Variants in N4BP2L1 observed in about 807,000 individuals in gnomAD.
The protein encoded by N4BP2L1 is NEDD4-binding protein 2-like 1.
In N4BP2L1, 12 loss-of-function variants were observed where a neutral mutation model predicts 21.2. That is an observed-to-expected ratio of 0.57 (90% CI 0.36 to 0.92). N4BP2L1 has a LOEUF of 0.92. N4BP2L1 is among the 40% of genes least tolerant of loss of function. The pLI is 0.01. For missense variants in N4BP2L1, 259 were observed against 310.6 expected (o/e 0.83, Z 1.25); for synonymous variants, 104 against 112.8 (o/e 0.92, Z 0.49).
chr13:32,428,647 C>T (rs2074921468), upstream of N4BP2L1, among the ~76,000 whole-genome samples: 1 of 152,220 alleles, frequency 6.6e-6, no homozygotes, highest in African/African-American at 2.4e-5. Flanking sequence ...CTTTCTTTAG[C>T]AGCCTGCCAA....
intron 1 of N4BP2L1, chr13:32,415,933 C>T (rs1377685295): frequency 6.6e-6 from 1 of 152,168 alleles, no homozygotes; most frequent in African/African-American, 2.4e-5. Context: ...ATACGGTTTC[C>T]TTAGAGGTTA....
intron 1 of N4BP2L1, among the ~76,000 whole-genome samples, chr13:32,424,308 T>C (rs75960964): frequency 9.2e-5 from 14 of 152,296 alleles, no homozygotes; most frequent in Non-Finnish European, 1.9e-4. Flanking sequence ...TTCAGCCACC[T>C]CCTTCCCATC....
intron 1 of N4BP2L1, among the ~76,000 whole-genome samples, chr13:32,418,520 C>A (rs2074273915): frequency 6.6e-6 from 1 of 152,226 alleles, no homozygotes; most frequent in East Asian, 1.9e-4. Context: ...AGCCCCCACA[C>A]AGAGGCTCCA....
At chr13:32,426,925 G>T (rs1475594807) in intron 1 of N4BP2L1, among the ~76,000 whole-genome samples, 2 of 152,208 alleles carry the variant, frequency 1.3e-5, no homozygotes, top group South Asian at 4.1e-4. Context: ...ATAGCTGCCC[G>T]GTCTTAAAAG....
intron 1 of N4BP2L1, among the ~76,000 whole-genome samples, chr13:32,427,615 G>GT (rs2074859282): frequency 6.6e-6 from 1 of 152,096 alleles, no homozygotes; most frequent in African/African-American, 2.4e-5. Flanking sequence ...ACGGGAATCC[G>GT]TCCCCCCCGG....
At chr13:32,411,472 A>G (rs2073855171) in intron 1 of N4BP2L1, 6 of 967,202 alleles carry the variant, frequency 6.2e-6, no homozygotes, top group African/African-American at 1.8e-5. Flanking sequence ...CTAAATAAAG[A>G]ACTGATTAAA....
chr13:32,428,120 T>G lies in N4BP2L1; in HGVS notation c.-38A>C. On this transcript the variant is annotated 5_prime_UTR_variant, in exon 1 of 5. Coordinates refer to ENST00000380130, the MANE Select transcript of N4BP2L1 (RefSeq NM_052818.3). ...TGGCTGCGAGAGCCCCGGGTTCCCT[T>G]TACTGAAGTCACGGTCTTGGCCAAA... The G allele has an allele frequency of 7.0e-7, 1 of 1,423,764 alleles. No homozygotes were observed. Among genetic ancestry groups the G allele is most frequent in the East Asian group, 2.8e-5 (1 of 36,358 alleles). The allele number at this position is 1,423,764 out of a possible 1,614,324, so 88.2% of individuals were successfully genotyped here. A position where few individuals can be genotyped will look rare whatever the true frequency, so the allele number is the denominator to read the frequency against.
chr13:32,412,724 G>T (rs2073929603), intron 1 of N4BP2L1, among the ~76,000 whole-genome samples: 1 of 150,344 alleles, frequency 6.7e-6, no homozygotes, highest in Admixed American at 6.6e-5. Context: ...TTAAGAATAA[G>T]AACAATTCCC....
rs974114641 is a variant in N4BP2L1, at chr13:32,422,950, T to C, written c.179+4954A>G. On this transcript the variant is annotated intron_variant, in intron 1 of 4. Coordinates refer to ENST00000380130, the MANE Select transcript of N4BP2L1 (RefSeq NM_052818.3). ...GAGTTGGAATGCTGCAAACATTCTA[T>C]TGTGAGCTTGCTTTTATTAATGAGA... Among the ~76,000 whole-genome samples, 8 of 152,106 alleles carry C rather than the reference T, an allele frequency of 5.3e-5. No individual in the cohort carries two copies. In the South Asian group the frequency reaches 8.3e-4, roughly 16 times the overall value.
intron 1 of N4BP2L1, among the ~76,000 whole-genome samples, chr13:32,408,459 A>G (rs1488717986): frequency 6.6e-6 from 1 of 152,224 alleles, no homozygotes; most frequent in Non-Finnish European, 1.5e-5. Flanking sequence ...CACAGCAAAA[A>G]GAAACACCAC....
At chr13:32,411,460 A>T (rs1359120918) in intron 1 of N4BP2L1, 1 of 930,004 alleles carries the variant, frequency 1.1e-6, no homozygotes. Flanking sequence ...AAACTCTACT[A>T]GCTAAATAAA....
At chr13:32,419,236 T>C (rs1411027161) in intron 1 of N4BP2L1, among the ~76,000 whole-genome samples, 2 of 139,742 alleles carry the variant, frequency 1.4e-5, no homozygotes, top group Admixed American at 1.5e-4. Flanking sequence ...TCACAAGATC[T>C]GGCTTTTTTT....
chr13:32,421,256 TAATA>T (rs2074461461), intron 1 of N4BP2L1, among the ~76,000 whole-genome samples: 1 of 152,146 alleles, frequency 6.6e-6, no homozygotes. Flanking sequence ...AAGAAATAGA[TAATA>T]AATAAATATA....
intron 1 of N4BP2L1, chr13:32,411,447 TA>T: frequency 1.1e-6 from 1 of 885,012 alleles, no homozygotes; most frequent in Non-Finnish European, 1.4e-6. Context: ...GGCAGGACAA[TA>T]AAAACTCTAC....
At chr13:32,426,131 C>T (rs2074748842) in intron 1 of N4BP2L1, among the ~76,000 whole-genome samples, 1 of 152,148 alleles carries the variant, frequency 6.6e-6, no homozygotes. Context: ...AATCCAAGCC[C>T]CTGATGTTCC....
intron 1 of N4BP2L1, among the ~76,000 whole-genome samples, chr13:32,415,397 TA>T (rs2074079793): frequency 6.6e-6 from 1 of 152,226 alleles, no homozygotes; most frequent in South Asian, 2.1e-4. Flanking sequence ...ATATTTAATT[TA>T]TTTTTTTAAT....
intron 4 of N4BP2L1, among the ~76,000 whole-genome samples, chr13:32,403,477 TAAAAG>T (rs747385625): frequency 1.3e-5 from 2 of 152,170 alleles, no homozygotes; most frequent in East Asian, 1.9e-4. Context: ...CTTCAAGACA[TAAAAG>T]AACACCATGA....
intron 1 of N4BP2L1, 108 bp downstream of exon 1, chr13:32,427,796 G>A (rs2074874784): frequency 6.2e-6 from 4 of 641,918 alleles, no homozygotes; most frequent in Non-Finnish European, 8.6e-6. Flanking sequence ...AGGCACCCGC[G>A]GCGGGGGCGC....
intron 1 of N4BP2L1, chr13:32,411,570 C>G: frequency 4.1e-6 from 4 of 985,326 alleles, no homozygotes; most frequent in Non-Finnish European, 4.8e-6. Flanking sequence ...AGCCCCAGTT[C>G]TATCTTTATG....
Sources: gnomAD v4.1 joint callset for allele counts (sites outside exome capture counted in the v4.1 genomes callset) on GRCh38, gnomAD v4.1.1 for gene constraint, MANE v1.5 for transcripts, NCBI Gene and HGNC (gene_info 2026-07-23, HGNC 2026-07-21) for gene names.